LARGE1: variants seen among roughly 807,000 people sequenced by gnomAD.
The protein encoded by LARGE1 is LARGE xylosyl- and glucuronyltransferase 1, also known as xylosyl- and glucuronyltransferase LARGE1.
Under a neutral mutation model 87.6 loss-of-function variants are expected in LARGE1, and 43 were observed. The observed-to-expected ratio is 0.49, with a 90% CI of 0.38 to 0.63. The LOEUF (loss-of-function observed/expected upper bound fraction) is 0.63, where lower values mean the gene tolerates loss of function less well. Among genes scored for constraint, LARGE1 ranks in the 30% least tolerant of loss-of-function variants. The probability of loss-of-function intolerance (pLI) is 0.00; values close to 1 mark genes in which losing one functional copy is unlikely to be tolerated. For synonymous variants in LARGE1, 434 were observed against 394.6 expected (o/e 1.10, Z -1.18); for missense variants, 802 against 1,000.2 (o/e 0.80, Z 2.67).
intron 5 of LARGE1, among the ~76,000 whole-genome samples, chr22:33,598,530 CA>C (rs1221823680): frequency 6.6e-6 from 1 of 152,068 alleles, no homozygotes; most frequent in Non-Finnish European, 1.5e-5. Context: ...CCCAGGCCCC[CA>C]CCCCCTGACA....
At chr22:33,283,178 A>T in intron 13 of LARGE1, 24 bp downstream of exon 13, 4 of 1,613,860 alleles carry the variant, frequency 2.5e-6, no homozygotes, top group Non-Finnish European at 3.4e-6. Context: ...GCACCCCCAG[A>T]GTACAGCAGC....
At chr22:33,779,827 G>A (rs1203447660) in intron 1 of LARGE1, among the ~76,000 whole-genome samples, 1 of 131,362 alleles carries the variant, frequency 7.6e-6, no homozygotes, top group Non-Finnish European at 1.8e-5. Flanking sequence ...AGAACTAGGG[G>A]GTGGTAAGAG....
intron 10 of LARGE1, among the ~76,000 whole-genome samples, chr22:33,334,949 C>T: frequency 1.3e-5 from 2 of 152,290 alleles, no homozygotes; most frequent in Middle Eastern, 6.8e-3. Context: ...CCTCGCCGAT[C>T]CCCCCAGGGG....
intron 11 of LARGE1, among the ~76,000 whole-genome samples, chr22:33,195,949 G>T (rs1478398179): frequency 1.3e-4 from 19 of 151,152 alleles, no homozygotes; most frequent in Non-Finnish European, 2.7e-4. Flanking sequence ...TAGTAGAGAC[G>T]GAGTTTCACC....
In LARGE1 at chr22:33,466,693, T is replaced by TACAC. The variant is rs536654371; in HGVS notation, c.788-34432_788-34429dup. ...GCCTCATTCACCCCCTCTCTCTCTC[T>TACAC]ACACACACACACACACACACATACA... On this transcript the variant is annotated intron_variant, in intron 6 of 14. Transcript: ENST00000397394. Among the ~76,000 whole-genome samples, 591 of 145,340 alleles carry TACAC rather than the reference T, an allele frequency of 4.1e-3. 3 individuals carry two copies. The highest frequency in any genetic ancestry group is 0.011 in the African/African-American group (439 of 38,558).
downstream of LARGE1, among the ~76,000 whole-genome samples, chr22:33,160,398 T>G (rs1181022078): frequency 1.3e-5 from 2 of 152,202 alleles, no homozygotes; most frequent in East Asian, 1.9e-4. Flanking sequence ...ACTTGGCTCC[T>G]CCATTACTTA....
At chr22:33,450,264 G>C (rs888810865) in intron 6 of LARGE1, among the ~76,000 whole-genome samples, 4 of 152,036 alleles carry the variant, frequency 2.6e-5, no homozygotes, top group African/African-American at 9.7e-5. Flanking sequence ...ACAGGAATCA[G>C]AGTTGCAAGG....
intron 6 of LARGE1, among the ~76,000 whole-genome samples, chr22:33,552,932 T>C (rs2148707333): frequency 6.6e-6 from 1 of 152,294 alleles, no homozygotes; most frequent in South Asian, 2.1e-4. Flanking sequence ...GCGAAGTGCC[T>C]GGAAGCGTGG....
At chr22:33,465,598 T>C (rs1409864684) in intron 6 of LARGE1, among the ~76,000 whole-genome samples, 1 of 152,178 alleles carries the variant, frequency 6.6e-6, no homozygotes, top group Non-Finnish European at 1.5e-5. Flanking sequence ...AACCTCCAGG[T>C]GGGTGCCAGT....
chr22:33,362,701 A>T (rs1031829717), intron 9 of LARGE1, among the ~76,000 whole-genome samples: 2 of 150,174 alleles, frequency 1.3e-5, no homozygotes, highest in Admixed American at 6.6e-5. Context: ...ATTTGAGTTT[A>T]TGGTATGTAA....
At chr22:33,221,436 A>G (rs1197426164) in intron 11 of LARGE1, among the ~76,000 whole-genome samples, 1 of 152,260 alleles carries the variant, frequency 6.6e-6, no homozygotes, top group African/African-American at 2.4e-5. Flanking sequence ...AGCATTAAAA[A>G]GATGCAAGTT....
At chr22:33,253,600 T>C (rs1194989567) in intron 11 of LARGE1, among the ~76,000 whole-genome samples, 1 of 152,182 alleles carries the variant, frequency 6.6e-6, no homozygotes, top group Non-Finnish European at 1.5e-5. Flanking sequence ...TAATCTCAGC[T>C]ACTCGGGAGG....
intron 6 of LARGE1, among the ~76,000 whole-genome samples, chr22:33,558,603 G>A (rs750285175): frequency 3.3e-4 from 51 of 152,252 alleles, no homozygotes; most frequent in Non-Finnish European, 6.3e-4. Context: ...GGGACTTGAA[G>A]CTTGGTCTCT....
chr22:33,166,636 C>T (rs1922288490), exon 12 of LARGE1: 4 of 416,536 alleles, frequency 9.6e-6, no homozygotes, highest in Middle Eastern at 7.8e-4. Context: ...TCAATCTTAC[C>T]GTGAGGATGT....
At chr22:33,483,483 C>G (rs747421653) in intron 6 of LARGE1, among the ~76,000 whole-genome samples, 14 of 151,992 alleles carry the variant, frequency 9.2e-5, no homozygotes, top group Non-Finnish European at 1.8e-4. Flanking sequence ...TGATGGTGAA[C>G]AGATAGGGAC....
intron 2 of LARGE1, among the ~76,000 whole-genome samples, chr22:33,741,836 T>C (rs1184985610): frequency 6.6e-6 from 1 of 151,978 alleles, no homozygotes; most frequent in Non-Finnish European, 1.5e-5. Context: ...CCAGGAGGGG[T>C]GTGCAAGAGA....
At chr22:33,590,059 G>A (rs1240736387) in intron 5 of LARGE1, among the ~76,000 whole-genome samples, 1 of 152,010 alleles carries the variant, frequency 6.6e-6, no homozygotes, top group Admixed American at 6.6e-5. Flanking sequence ...AATCATTTCT[G>A]TCATTAACAA....
intron 5 of LARGE1, among the ~76,000 whole-genome samples, chr22:33,572,455 G>C (rs912036920): frequency 5.9e-5 from 9 of 152,076 alleles, no homozygotes; most frequent in African/African-American, 2.2e-4. Context: ...GCCTGGCAAA[G>C]TCACCTCTCT....
intron 6 of LARGE1, among the ~76,000 whole-genome samples, chr22:33,514,914 G>A (rs943055131): frequency 6.6e-6 from 1 of 152,130 alleles, no homozygotes; most frequent in African/African-American, 2.4e-5. Context: ...TCAATAACAT[G>A]AACACACAGC....
Sources: allele counts gnomAD v4.1 joint callset (sites outside exome capture counted in the v4.1 genomes callset), GRCh38; gene constraint gnomAD v4.1.1; transcripts MANE v1.5; gene names NCBI Gene and HGNC (gene_info 2026-07-23, HGNC 2026-07-21).